UFSP2: variants seen among roughly 807,000 people sequenced by gnomAD.
UFSP2 encodes UFM1 specific peptidase 2.
In UFSP2, 43 loss-of-function variants were observed where a neutral mutation model predicts 60.2. The observed-to-expected ratio is 0.71, with a 90% CI of 0.56 to 0.92. UFSP2 has a LOEUF of 0.92. Among genes scored for constraint, UFSP2 ranks in the 40% least tolerant of loss-of-function variants. The probability of loss-of-function intolerance (pLI) is 0.00; values close to 1 mark genes in which losing one functional copy is unlikely to be tolerated. For missense variants in UFSP2, 520 were observed against 575.0 expected (o/e 0.90, Z 0.98); for synonymous variants, 183 against 195.1 (o/e 0.94, Z 0.52).
At chr4:185,422,903 A>AG (rs11429277) in intron 1 of UFSP2, among the ~76,000 whole-genome samples, 150,687 of 152,324 alleles carry the variant, frequency 0.99, 74,548 homozygotes, top group East Asian at 1. Context: ...TCTGTCACAC[A>AG]GCTGGAGTGC....
chr4:185,410,957 A>AG (rs899391212), intron 7 of UFSP2, among the ~76,000 whole-genome samples: 1 of 151,138 alleles, frequency 6.6e-6, no homozygotes, highest in African/African-American at 2.4e-5. Flanking sequence ...AAAAAAAAAA[A>AG]AAAGAAAGAA....
chr4:185,407,835 T>TA, intron 9 of UFSP2, 101 bp downstream of exon 9: 1 of 1,255,308 alleles, frequency 8.0e-7, no homozygotes, highest in African/African-American at 1.5e-5. Flanking sequence ...GGAAAAGGAA[T>TA]AAAAAGAAAT....
rs2095533664 is a variant in UFSP2, at chr4:185,413,796, T to C, written c.761A>G (p.Glu254Gly). ...KRSNAYHFPD[E>G]PYKDGYIRNP... The stretch of plus-strand genomic sequence containing the variant: ...TCTAATGTAACCATCTTTGTATGGC[T>C]CATCTGGAAAGTGATAAGCATTAGA... Residue 254 changes from glutamate to glycine, a missense_variant, in exon 7 of 12, where the codon GAG (glutamate) becomes GGG (glycine). Glu to Gly is a moderately conservative substitution (Grantham distance 98). Transcript: ENST00000264689. 1 of 1,613,466 alleles carries C rather than the reference T, an allele frequency of 6.2e-7. No individual in the cohort carries two copies. Among genetic ancestry groups the C allele is most frequent in the Non-Finnish European group, 8.5e-7 (1 of 1,179,694 alleles).
Position 185,400,446 on chromosome 4 carries a change from C to A in UFSP2, c.1356G>T (p.Trp452Cys). The change falls in exon 12 of 12, where the codon TGG becomes TGT. Residue 452 changes from tryptophan to cysteine, a missense_variant. By Grantham distance (215) the Trp-to-Cys change is radical. Transcript: ENST00000264689. ...GWCGWKGPDF[W>C]NKDAYYNLCL... The stretch of plus-strand genomic sequence containing the variant: ...ATAAGTTATAGTATGCATCCTTGTT[C>A]CAAAAATCTGGGCCCTTCCATCCGC... 3 of 1,613,740 alleles carry A rather than the reference C, an allele frequency of 1.9e-6. No individual in the cohort carries two copies. The South Asian group carries it at 3.3e-5, about 18-fold the overall frequency.
intron 7 of UFSP2, among the ~76,000 whole-genome samples, chr4:185,411,698 A>T (rs1434521205): frequency 1.3e-5 from 2 of 152,232 alleles, no homozygotes; most frequent in Non-Finnish European, 2.9e-5. Flanking sequence ...AAGCAGATAT[A>T]GCAAAATGTT....
Position 185,418,449 on chromosome 4 carries a change from A to G in UFSP2, c.325T>C (p.Ser109Pro), listed in dbSNP as rs2095543231. The stretch of plus-strand genomic sequence containing the variant: ...ACAGATAGTTTGCTTACCATGTCTG[A>G]TAACTTTTTGTCCTTCTTTCTCATG... ...KFMRKKDKKL[S>P]DMHQIVNIDL... is the part of the protein sequence containing the mutation. The change falls in exon 4 of 12, where the codon TCA (serine) becomes CCA (proline). Residue 109 changes from serine (S) to proline (P), a missense_variant. Physicochemically the swap from Ser to Pro is moderately conservative, Grantham distance 74 (BLOSUM62 -1). Transcript: ENST00000264689. The G allele has an allele frequency of 1.2e-6, 2 of 1,607,728 alleles. No homozygotes were observed. The highest frequency in any genetic ancestry group is 1.1e-5 in the South Asian group (1 of 90,702).
At chr4:185,412,550 CAG>C (rs2095531187) in intron 7 of UFSP2, among the ~76,000 whole-genome samples, 2 of 152,060 alleles carry the variant, frequency 1.3e-5, no homozygotes, top group African/African-American at 4.8e-5. Flanking sequence ...CTGAGAGGTG[CAG>C]AGTTAGCCAG....
chr4:185,408,635 C>T (rs1402434636), intron 7 of UFSP2, among the ~76,000 whole-genome samples, 200 bp from the exon 8 acceptor site: 3 of 152,112 alleles, frequency 2.0e-5, no homozygotes, highest in Non-Finnish European at 1.5e-5. Context: ...ACCACAGGGC[C>T]CAGCAGGACC....
At chr4:185,408,872 C>T (rs1289413829) in intron 7 of UFSP2, among the ~76,000 whole-genome samples, 4 of 152,188 alleles carry the variant, frequency 2.6e-5, no homozygotes, top group Admixed American at 2.0e-4. Flanking sequence ...AAACGGCCCA[C>T]TCATTCTCTC....
chr4:185,409,780 T>C (rs754998890), intron 7 of UFSP2, among the ~76,000 whole-genome samples: 1 of 152,172 alleles, frequency 6.6e-6, no homozygotes, highest in Non-Finnish European at 1.5e-5. Flanking sequence ...TGGATCCTAG[T>C]GTGCCCTAAA....
chr4:185,406,721 G>A (rs550401910), intron 9 of UFSP2, among the ~76,000 whole-genome samples: 12 of 151,530 alleles, frequency 7.9e-5, no homozygotes, highest in Non-Finnish European at 1.6e-4. Context: ...GATTACAGAC[G>A]TGTGCCACCA....
intron 10 of UFSP2, among the ~76,000 whole-genome samples, chr4:185,405,028 C>T: frequency 7.4e-6 from 1 of 135,412 alleles, no homozygotes; most frequent in Non-Finnish European, 1.6e-5. Context: ...TCTTTTGAGA[C>T]AGTGTCTCAC....
At chr4:185,417,694 C>T (rs1450078438) in intron 4 of UFSP2, among the ~76,000 whole-genome samples, 1 of 152,136 alleles carries the variant, frequency 6.6e-6, no homozygotes, top group Non-Finnish European at 1.5e-5. Flanking sequence ...TTTCTATCTT[C>T]AATATCTGTT....
At chr4:185,424,834 A>C (rs1188215759) in intron 1 of UFSP2, among the ~76,000 whole-genome samples, 3 of 152,236 alleles carry the variant, frequency 2.0e-5, no homozygotes, top group Non-Finnish European at 4.4e-5. Flanking sequence ...AACTGGAAAA[A>C]TACACAACTT....
In UFSP2 at chr4:185,408,323, T is replaced by C. The variant is rs774916155; in HGVS notation, c.944A>G (p.Lys315Arg). The C allele has an allele frequency of 1.5e-5, 25 of 1,614,082 alleles. No individual in the cohort carries two copies. The highest frequency in any genetic ancestry group is 2.2e-5 in the South Asian group (2 of 91,086). The change falls in exon 8 of 12, where the codon AAA becomes AGA. Residue 315 changes from lysine to arginine, a missense_variant. Coordinates refer to ENST00000264689, the MANE Select transcript of UFSP2 (RefSeq NM_018359.5). ...RSLQTICSWF[K>R]HQGYTERSIP... ...GGACCTCTCTGTGTATCCCTGATGT[T>C]TGAACCAAGAGCAGATAGTCTGCAG... is the stretch of plus-strand genomic sequence containing the variant.
intron 9 of UFSP2, 138 bp from the exon 10 acceptor site, chr4:185,405,994 T>A: frequency 6.6e-7 from 1 of 1,516,106 alleles, no homozygotes; most frequent in Non-Finnish European, 8.9e-7. Context: ...AAATTAAGTG[T>A]TAGGGAACTG....
intron 1 of UFSP2, among the ~76,000 whole-genome samples, chr4:185,425,438 G>C: frequency 6.6e-6 from 1 of 152,130 alleles, no homozygotes; most frequent in Non-Finnish European, 1.5e-5. Context: ...TCCCTGAAGA[G>C]CACCACCATT....
intron 2 of UFSP2, among the ~76,000 whole-genome samples, chr4:185,419,892 C>G (rs1415181024): frequency 1.3e-5 from 2 of 152,178 alleles, no homozygotes; most frequent in East Asian, 3.8e-4. Context: ...AGTTCAGTTT[C>G]TGTGTGGATG....
intron 11 of UFSP2, among the ~76,000 whole-genome samples, chr4:185,401,414 T>C (rs1384940050): frequency 2.0e-5 from 3 of 152,220 alleles, no homozygotes; most frequent in Admixed American, 6.5e-5. Context: ...TGTTTTAACC[T>C]TTTTTTGATC....
Sources: allele counts gnomAD v4.1 joint callset (sites outside exome capture counted in the v4.1 genomes callset), GRCh38; gene constraint gnomAD v4.1.1; transcripts MANE v1.5; gene names NCBI Gene and HGNC (gene_info 2026-07-23, HGNC 2026-07-21).